Variants in KIAA0232 observed in about 807,000 individuals in gnomAD.
KIAA0232 encodes the protein KIAA0232.
In KIAA0232, 27 loss-of-function variants were observed where a neutral mutation model predicts 122.0. That is an observed-to-expected ratio of 0.22 (90% CI 0.16 to 0.31). The LOEUF (loss-of-function observed/expected upper bound fraction) is 0.31. Ranked by LOEUF, KIAA0232 falls within the 10% of genes least tolerant of loss-of-function variation. KIAA0232 has a pLI of 1.00. For synonymous variants in KIAA0232, 613 were observed against 587.6 expected (o/e 1.04, Z -0.63); for missense variants, 1,551 against 1,634.2 (o/e 0.95, Z 0.88).
At chr4:6,826,122 A>G (rs547253202) in intron 3 of KIAA0232, among the ~76,000 whole-genome samples, 3 of 152,226 alleles carry the variant, frequency 2.0e-5, no homozygotes, top group African/African-American at 7.2e-5. Flanking sequence ...AGCCAGCTTA[A>G]CATGTTTTAT....
intron 3 of KIAA0232, among the ~76,000 whole-genome samples, chr4:6,840,255 G>C (rs1719573280): frequency 2.6e-5 from 4 of 152,164 alleles, no homozygotes; most frequent in Admixed American, 2.6e-4. Context: ...ACACTGTCCA[G>C]AGGTCATGTT....
intron 8 of KIAA0232, among the ~76,000 whole-genome samples, chr4:6,873,710 T>C (rs1721613239): frequency 6.6e-6 from 1 of 152,160 alleles, no homozygotes; most frequent in Admixed American, 6.5e-5. Context: ...GTACATAATA[T>C]TTTTGTTTTT....
intron 5 of KIAA0232, among the ~76,000 whole-genome samples, chr4:6,857,937 G>C (rs557547148): frequency 6.6e-6 from 1 of 152,130 alleles, no homozygotes; most frequent in Non-Finnish European, 1.5e-5. Flanking sequence ...GCTAAACTAA[G>C]GGATAGCCCT....
At chr4:6,819,502 A>T (rs1466144934) in intron 2 of KIAA0232, among the ~76,000 whole-genome samples, 1 of 152,250 alleles carries the variant, frequency 6.6e-6, no homozygotes, top group African/African-American at 2.4e-5. Flanking sequence ...ATGTATAAAA[A>T]AAGTTCCACA....
At position 6,861,601 on chromosome 4, in the gene KIAA0232, A is replaced by G. The variant is rs755549180; in HGVS notation, c.1219A>G (p.Ile407Val). The G allele has an allele frequency of 3.7e-6, 6 of 1,614,054 alleles. No homozygotes were observed. Among genetic ancestry groups the G allele is most frequent in the South Asian group, 2.2e-5 (2 of 91,088 alleles). Residue 407 changes from isoleucine to valine, a missense_variant, in exon 7 of 10, where the codon ATT becomes GTT. By Grantham distance (29) the Ile-to-Val change is conservative. Coordinates refer to ENST00000307659, the MANE Select transcript of KIAA0232 (RefSeq NM_014743.3). ...GGAGCCCTTGTGGTACACCGAGCCA[A>G]TTGCTGAATATTTTGTTCCTCTGAG... is the stretch of plus-strand genomic sequence containing the variant. The part of the protein sequence containing the change: ...KEEPLWYTEP[I>V]AEYFVPLSRK...
At chr4:6,803,050 G>C (rs1309132022) in intron 1 of KIAA0232, among the ~76,000 whole-genome samples, 1 of 149,798 alleles carries the variant, frequency 6.7e-6, no homozygotes, top group Admixed American at 6.7e-5. Context: ...TTTGGTGGGT[G>C]CATGCTTGTG....
chr4:6,860,931 G>A lies in KIAA0232; in HGVS notation c.549G>A (p.Glu183=). 1 of 1,613,872 alleles carries A rather than the reference G, an allele frequency of 6.2e-7. No individual in the cohort carries two copies. The highest frequency in any genetic ancestry group is 8.5e-7 in the Non-Finnish European group (1 of 1,179,876). ...MYYEAFPPLS[E]KPVCLQEIMT... Reference sequence around the variant, plus strand: ...ATGAAGCATTTCCACCACTTTCTGAGAAACCAGTTTGCCTGCAAGAAATCA... The same window carrying A: ...ATGAAGCATTTCCACCACTTTCTGAAAAACCAGTTTGCCTGCAAGAAATCA... The change falls in exon 7 of 10, where the codon GAG becomes GAA. Residue 183 remains glutamate, a synonymous_variant. Transcript: ENST00000307659.
intron 2 of KIAA0232, among the ~76,000 whole-genome samples, chr4:6,821,361 C>T (rs747871276): frequency 1.3e-5 from 2 of 152,060 alleles, no homozygotes; most frequent in Admixed American, 1.3e-4. Flanking sequence ...GTCTTTTTAT[C>T]TCTTACCCGT....
At chr4:6,877,762 G>A (rs1318115349) in intron 9 of KIAA0232, among the ~76,000 whole-genome samples, 1 of 152,110 alleles carries the variant, frequency 6.6e-6, no homozygotes, top group Non-Finnish European at 1.5e-5. Context: ...TGAAGGGTGG[G>A]TCTGCCTTTC....
intron 1 of KIAA0232, among the ~76,000 whole-genome samples, chr4:6,804,061 A>G (rs1239247222): frequency 2.6e-5 from 4 of 152,178 alleles, no homozygotes; most frequent in Non-Finnish European, 5.9e-5. Context: ...GTTTTGAGAA[A>G]TATATCTATT....
chr4:6,884,022 C>G lies in KIAA0232; in HGVS notation c.*3056C>G, dbSNP rs1399791830. On this transcript the variant is annotated 3_prime_UTR_variant, in exon 10 of 10. Coordinates refer to ENST00000307659, the MANE Select transcript of KIAA0232 (RefSeq NM_014743.3). Reference sequence around the variant, plus strand: ...TGTATTATGTAGATTTAACAGGTTCCTCATTGATAAAACAATGTTTTTTTG... The same window carrying G: ...TGTATTATGTAGATTTAACAGGTTCGTCATTGATAAAACAATGTTTTTTTG... The G allele has an allele frequency of 6.6e-6, 1 of 152,082 alleles. No homozygotes were observed. The highest frequency in any genetic ancestry group is 1.5e-5 in the Non-Finnish European group (1 of 68,024). 9.4% of individuals were successfully genotyped at this position (152,082 alleles called of 1,614,324 possible). A position where few individuals can be genotyped will look rare whatever the true frequency, so the allele number is the denominator to read the frequency against.
In KIAA0232 at chr4:6,862,212, T is replaced by C. The variant is rs1490773027; in HGVS notation, c.1830T>C (p.Ser610=). ...ATGGGGAGAGTTTTGGAGGAGACTC[T>C]CCAGTTAGACTCTCTCCCATCTTAG... ...DADGESFGGD[S]PVRLSPILDS... is the part of the protein sequence containing the mutation. The change falls in exon 7 of 10, where the codon TCT becomes TCC. Residue 610 remains serine, a synonymous_variant. Coordinates refer to ENST00000307659, the MANE Select transcript of KIAA0232 (RefSeq NM_014743.3). The C allele has an allele frequency of 1.9e-6, 3 of 1,614,146 alleles. No individual in the cohort carries two copies. Among genetic ancestry groups the C allele is most frequent in the Non-Finnish European group, 2.5e-6 (3 of 1,180,020 alleles).
chr4:6,832,280 G>A lies in KIAA0232; in HGVS notation c.231+7596G>A, dbSNP rs189613317. On this transcript the variant is annotated intron_variant, in intron 3 of 9. Coordinates refer to ENST00000307659, the MANE Select transcript of KIAA0232 (RefSeq NM_014743.3). Reference sequence around the variant, plus strand: ...TTCTTCATGACATTTTTTATTACCTGAAATTATATGATTACTTGTGATTTA... The same window carrying A: ...TTCTTCATGACATTTTTTATTACCTAAAATTATATGATTACTTGTGATTTA... Among the ~76,000 whole-genome samples the A allele has an allele frequency of 2.0e-5, 3 of 151,222 alleles. No homozygotes were observed. In the East Asian group the frequency reaches 5.8e-4, roughly 29 times the overall value.
At chr4:6,842,773 G>A (rs895785592) in intron 4 of KIAA0232, among the ~76,000 whole-genome samples, 1 of 152,000 alleles carries the variant, frequency 6.6e-6, no homozygotes, top group African/African-American at 2.4e-5. Flanking sequence ...TTTTTTAGTA[G>A]AGATGGGGTT....
chr4:6,800,043 C>CTTTTTTTTTTTTTT lies in KIAA0232; in HGVS notation c.-353-4461_-353-4448dup, dbSNP rs752428517. ...TTTCTTTTTCTTTCTTTCTTTCTTT[C>CTTTTTTTTTTTTTT]TTTTTTTTTTTTTTTTTTTTTTTTT... is the stretch of plus-strand genomic sequence containing the variant. On this transcript the variant is annotated intron_variant, in intron 1 of 9. Coordinates refer to ENST00000307659, the MANE Select transcript of KIAA0232 (RefSeq NM_014743.3). Among the ~76,000 whole-genome samples, 341 of 60,002 alleles carry CTTTTTTTTTTTTTT rather than the reference C, an allele frequency of 5.7e-3. 57 individuals carry two copies. The highest frequency in any genetic ancestry group is 6.7e-3 in the Non-Finnish European group (187 of 28,056). 39.4% of individuals were successfully genotyped at this position (60,002 alleles called of 152,430 possible).
At position 6,882,078 on chromosome 4, in the gene KIAA0232, T is replaced by C. The variant is rs1221594890; in HGVS notation, c.*1112T>C. On this transcript the variant is annotated 3_prime_UTR_variant, in exon 10 of 10. Transcript: ENST00000307659. ...GCTCCGTGGGACTGGCTCCCGTTTC[T>C]CCTTGGTGAGCCCGGGGAGCCGGCG... The C allele has an allele frequency of 1.3e-5, 2 of 152,584 alleles. No individual in the cohort carries two copies. The highest frequency in any genetic ancestry group is 2.4e-5 in the African/African-American group (1 of 41,448). The allele number at this position is 152,584 out of a possible 1,614,324, so 9.5% of individuals were successfully genotyped here.
intron 2 of KIAA0232, among the ~76,000 whole-genome samples, chr4:6,817,966 G>A (rs1044854633): frequency 2.5e-4 from 38 of 151,954 alleles, no homozygotes; most frequent in African/African-American, 8.5e-4. Context: ...ATCTACTTTT[G>A]TTAGAAACTG....
chr4:6,824,346 T>C lies in KIAA0232; in HGVS notation c.-108T>C, dbSNP rs1454931415. The C allele has an allele frequency of 1.1e-6, 1 of 904,178 alleles. No individual in the cohort carries two copies. Among genetic ancestry groups the C allele is most frequent in the African/African-American group, 1.6e-5 (1 of 61,340 alleles). The allele number at this position is 904,178 out of a possible 1,614,324, so 56.0% of individuals were successfully genotyped here. A position where few individuals can be genotyped will look rare whatever the true frequency, so the allele number is the denominator to read the frequency against. Reference sequence around the variant, plus strand: ...AGCAAAAATAAATGCTTATCCTACATGTCAAGCATCTCTACTTTTTACTGG... The same window carrying C: ...AGCAAAAATAAATGCTTATCCTACACGTCAAGCATCTCTACTTTTTACTGG... On this transcript the variant is annotated 5_prime_UTR_variant, in exon 3 of 10. An upstream start codon of the reference 5' UTR is lost. Transcript: ENST00000307659.
chr4:6,840,537 A>C (rs981984868), intron 3 of KIAA0232, among the ~76,000 whole-genome samples: 1 of 152,224 alleles, frequency 6.6e-6, no homozygotes, highest in Non-Finnish European at 1.5e-5. Context: ...AAAGTCAATC[A>C]GAACTCTAGC....
Sources: gnomAD v4.1 joint callset for allele counts (sites outside exome capture counted in the v4.1 genomes callset) on GRCh38, gnomAD v4.1.1 for gene constraint, MANE v1.5 for transcripts, NCBI Gene and HGNC (gene_info 2026-07-23, HGNC 2026-07-21) for gene names.